The following MARCHF1 variants were observed in gnomAD, a reference collection of about 807,000 sequenced individuals.
MARCHF1 encodes E3 ubiquitin-protein ligase MARCHF1.
MARCHF1 carries 40 observed loss-of-function variants against 54.2 expected under a neutral mutation model. The observed-to-expected ratio is 0.74, with a 90% confidence interval of 0.57 to 0.96. MARCHF1 has a LOEUF of 0.96. MARCHF1 is among the 40% of genes least tolerant of loss of function. The pLI is 0.00. For missense variants in MARCHF1, 586 were observed against 656.5 expected (o/e 0.89, Z 1.17); for synonymous variants, 236 against 236.3 (o/e 1.00, Z 0.01).
rs529726121 is a variant in MARCHF1 at position 164,143,674 on chromosome 4, G to A, written c.-322-32012C>T. ...CCCTAAAAGAGCTCCTGAAAGAAGC[G>A]CTAAACATGGAAAGGAACAACCGAT... is the stretch of plus-strand genomic sequence containing the variant. On this transcript the variant is annotated intron_variant, in intron 1 of 9. Coordinates refer to ENST00000514618, the MANE Select transcript of MARCHF1 (RefSeq NM_001394959.1). 4.1e-4 allele frequency among the ~76,000 whole-genome samples: 63 copies of A among 152,188 alleles called. 1 individual carries two copies. The highest frequency in any genetic ancestry group is 3.3e-4 in the Admixed American group (5 of 15,274).
chr4:163,978,869 G>A (rs1426562170), intron 3 of MARCHF1, among the ~76,000 whole-genome samples: 1 of 151,958 alleles, frequency 6.6e-6, no homozygotes, highest in Non-Finnish European at 1.5e-5. Context: ...CTGCAGGCAT[G>A]TTCCACCATG....
intron 5 of MARCHF1, among the ~76,000 whole-genome samples, chr4:163,646,129 A>G (rs1242079644): frequency 1.3e-5 from 2 of 149,636 alleles, no homozygotes; most frequent in African/African-American, 5.1e-5. Context: ...GCAAAAAGAG[A>G]TAAGAGACTG....
intron 3 of MARCHF1, among the ~76,000 whole-genome samples, chr4:163,920,751 T>C (rs761070381): frequency 6.6e-6 from 1 of 152,208 alleles, no homozygotes; most frequent in Admixed American, 6.5e-5. Flanking sequence ...TGTATTTTAA[T>C]AGAAATTTTG....
chr4:164,132,831 ATATT>A (rs530658815), intron 1 of MARCHF1, among the ~76,000 whole-genome samples: 15 of 152,134 alleles, frequency 9.9e-5, no homozygotes, highest in Non-Finnish European at 1.8e-4. Context: ...ATGTGTATGT[ATATT>A]TATTTATAAA....
chr4:163,763,469 G>A (rs138825248), intron 4 of MARCHF1, among the ~76,000 whole-genome samples: 3 of 152,138 alleles, frequency 2.0e-5, no homozygotes, highest in Non-Finnish European at 2.9e-5. Flanking sequence ...GAAATCTCAT[G>A]CAAAATTGTC....
At chr4:164,052,263 CTGTAA>C (rs1754388260) in intron 2 of MARCHF1, among the ~76,000 whole-genome samples, 1 of 8,530 alleles carries the variant, frequency 1.2e-4, no homozygotes, top group Admixed American at 9.0e-4. Context: ...TGGCTCACGC[CTGTAA>C]TCCTGTAATC....
At chr4:163,633,272 A>T (rs1401553654) in intron 5 of MARCHF1, among the ~76,000 whole-genome samples, 10 of 152,234 alleles carry the variant, frequency 6.6e-5, no homozygotes, top group African/African-American at 4.8e-5. Context: ...CTGAGAGAAG[A>T]AGGCTTCAGA....
chr4:163,683,889 GCTCACTCACTCACTCA>G (rs3080980), intron 5 of MARCHF1, among the ~76,000 whole-genome samples: 1,714 of 149,008 alleles, frequency 0.012, 37 homozygotes, highest in African/African-American at 0.04. Flanking sequence ...TCATGTGGAG[GCTCACTCACTCACTCA>G]CTCACTCACT....
In MARCHF1 at chr4:163,852,205, T is replaced by TA. The variant is rs145428570; in HGVS notation, c.111+1815dup. On this transcript the variant is annotated intron_variant, in intron 4 of 9. Coordinates refer to ENST00000514618, the MANE Select transcript of MARCHF1 (RefSeq NM_001394959.1). Reference sequence around the variant, plus strand: ...AGTAACCCTTTTATTATTTACTAGATAAGTGGCACTAGGAATGTCAATTAA... The same window carrying TA: ...AGTAACCCTTTTATTATTTACTAGATAAAGTGGCACTAGGAATGTCAATTAA... 2.5e-3 allele frequency among the ~76,000 whole-genome samples: 385 copies of TA among 152,308 alleles called. 2 individuals are homozygous for TA. The highest frequency in any genetic ancestry group is 8.7e-3 in the African/African-American group (362 of 41,576).
At chr4:164,101,949 G>A (rs1413018080) in intron 2 of MARCHF1, among the ~76,000 whole-genome samples, 2,391 of 145,988 alleles carry the variant, frequency 0.016, 147 homozygotes, top group Admixed American at 0.12. Flanking sequence ...ACCAAGGCTC[G>A]AGAACTACGT....
rs188480542 is a variant in MARCHF1, at chr4:163,621,772, C to T, written c.163-8379G>A. Reference sequence around the variant, plus strand: ...AAAAACAAAGACTGAAATTCCACTGCCTTTACTCTCCATTTATCCACCCTG... The same window carrying T: ...AAAAACAAAGACTGAAATTCCACTGTCTTTACTCTCCATTTATCCACCCTG... On this transcript the variant is annotated intron_variant, in intron 5 of 9. Coordinates refer to ENST00000514618, the MANE Select transcript of MARCHF1 (RefSeq NM_001394959.1). Among the ~76,000 whole-genome samples, 243 of 152,180 alleles carry T rather than the reference C, an allele frequency of 1.6e-3. 1 individual carries two copies. The highest frequency in any genetic ancestry group is 5.6e-3 in the African/African-American group (232 of 41,526).
intron 1 of MARCHF1, among the ~76,000 whole-genome samples, chr4:164,161,542 T>TCAG (rs777700438): frequency 0.01 from 1,556 of 151,246 alleles, 21 homozygotes; most frequent in African/African-American, 0.034. Context: ...ATCATCATCA[T>TCAG]CATCAGCAGC....
In MARCHF1 at chr4:164,111,053, T is replaced by C. The variant is rs115085109; in HGVS notation, c.-248+535A>G. Among the ~76,000 whole-genome samples, 510 of 151,964 alleles carry C rather than the reference T, an allele frequency of 3.4e-3. 4 individuals carry two copies. Among genetic ancestry groups the C allele is most frequent in the African/African-American group, 0.011 (475 of 41,562 alleles). Reference sequence around the variant, plus strand: ...TATATTCTAATCCATCTAAATCATATAGAGCAAAATAAATGTTATATCCTA... The same window carrying C: ...TATATTCTAATCCATCTAAATCATACAGAGCAAAATAAATGTTATATCCTA... On this transcript the variant is annotated intron_variant, in intron 2 of 9. Coordinates refer to ENST00000514618, the MANE Select transcript of MARCHF1 (RefSeq NM_001394959.1).
At chr4:163,948,970 T>G (rs1418331992) in intron 3 of MARCHF1, among the ~76,000 whole-genome samples, 1 of 152,242 alleles carries the variant, frequency 6.6e-6, no homozygotes, top group East Asian at 1.9e-4. Context: ...CCCATAGTAC[T>G]GTCACAGGAT....
chr4:164,220,746 G>T (rs1732087217), intron 1 of MARCHF1, among the ~76,000 whole-genome samples: 2 of 143,084 alleles, frequency 1.4e-5, no homozygotes, highest in Non-Finnish European at 3.0e-5. Context: ...TAATATATAT[G>T]CTATATATGT....
At chr4:163,570,399 C>T (rs1739803634) in intron 8 of MARCHF1, among the ~76,000 whole-genome samples, 1 of 151,962 alleles carries the variant, frequency 6.6e-6, no homozygotes. Context: ...CAACGGAACC[C>T]CCAAAAGTTG....
chr4:164,101,627 A>G (rs1356884946), intron 2 of MARCHF1, among the ~76,000 whole-genome samples: 1 of 128,316 alleles, frequency 7.8e-6, no homozygotes, highest in Non-Finnish European at 1.7e-5. Flanking sequence ...CACCATCATC[A>G]AAGACCAAAA....
At chr4:163,967,129 T>G (rs912856283) in intron 3 of MARCHF1, among the ~76,000 whole-genome samples, 2 of 152,102 alleles carry the variant, frequency 1.3e-5, no homozygotes, top group African/African-American at 4.8e-5. Flanking sequence ...AAGAAATGTC[T>G]TTTGGAATCA....
In MARCHF1 at chr4:164,188,529, A is replaced by C; in HGVS notation, c.-322-76867T>G. The C allele has an allele frequency of 5.6e-6, 4 of 716,468 alleles. No homozygotes were observed. The South Asian group carries it at 6.1e-5, about 11-fold the overall frequency. 44.4% of individuals were successfully genotyped at this position (716,468 alleles called of 1,614,324 possible). On this transcript the variant is annotated intron_variant, in intron 1 of 9. Coordinates refer to ENST00000514618, the MANE Select transcript of MARCHF1 (RefSeq NM_001394959.1). ...TGTGTGTTCAAGACCGGCTGCGTGG[A>C]GATCACCGCCAACAATCAGAGCAAA... is the stretch of plus-strand genomic sequence containing the variant.
Sources: gnomAD v4.1 joint callset for allele counts (sites outside exome capture counted in the v4.1 genomes callset) on GRCh38, gnomAD v4.1.1 for gene constraint, MANE v1.5 for transcripts, NCBI Gene and HGNC (gene_info 2026-07-23, HGNC 2026-07-21) for gene names.